BNC2: variants seen among roughly 807,000 people sequenced by gnomAD.
BNC2 encodes basonuclin zinc finger protein 2, also known as zinc finger protein basonuclin-2.
A neutral mutation model predicts 76.3 loss-of-function variants in BNC2; 20 were observed. The observed-to-expected ratio is 0.26, with a 90% CI of 0.18 to 0.38. BNC2 has a LOEUF of 0.38. Among genes scored for constraint, BNC2 ranks in the 10% least tolerant of loss-of-function variants. The pLI is 1.00. For missense variants in BNC2, 1,382 were observed against 1,399.8 expected (o/e 0.99, Z 0.20); for synonymous variants, 582 against 514.8 (o/e 1.13, Z -1.77).
intron 1 of BNC2, among the ~76,000 whole-genome samples, chr9:16,837,131 T>A (rs773091124): frequency 6.6e-6 from 1 of 152,218 alleles, no homozygotes; most frequent in South Asian, 2.1e-4. Context: ...TATCTTTTCA[T>A]GTTTTTGAAC....
At chr9:16,445,562 T>C (rs1218145756) in intron 5 of BNC2, among the ~76,000 whole-genome samples, 1 of 152,186 alleles carries the variant, frequency 6.6e-6, no homozygotes, top group South Asian at 2.1e-4. Context: ...ATTTGGAAAT[T>C]TGTATTTTGC....
At chr9:16,683,042 A>T (rs1822870944) in intron 3 of BNC2, among the ~76,000 whole-genome samples, 1 of 152,218 alleles carries the variant, frequency 6.6e-6, no homozygotes, top group Non-Finnish European at 1.5e-5. Flanking sequence ...ATAAAGTTAC[A>T]GAATCAAAAT....
chr9:16,610,558 C>T (rs535492538), intron 3 of BNC2, among the ~76,000 whole-genome samples: 3 of 152,266 alleles, frequency 2.0e-5, no homozygotes, highest in South Asian at 2.1e-4. Flanking sequence ...GTTGGCCCAA[C>T]AGAATTTAAA....
intron 1 of BNC2, among the ~76,000 whole-genome samples, chr9:16,845,133 C>A (rs74392255): frequency 0.012 from 1,775 of 152,268 alleles, 80 homozygotes; most frequent in Admixed American, 0.086. Context: ...CCAGGCACTG[C>A]CAGGATGCCC....
At chr9:16,641,990 T>G (rs1214904540) in intron 3 of BNC2, among the ~76,000 whole-genome samples, 2 of 152,154 alleles carry the variant, frequency 1.3e-5, no homozygotes, top group East Asian at 3.9e-4. Context: ...GGTTAAAGAT[T>G]TTTCCTTCGC....
intron 1 of BNC2, among the ~76,000 whole-genome samples, chr9:16,762,084 T>C (rs991806006): frequency 1.3e-5 from 2 of 152,178 alleles, no homozygotes; most frequent in Non-Finnish European, 2.9e-5. Context: ...TACTTTAGAA[T>C]AGTGATATTT....
chr9:16,700,895 A>G (rs1823490167), intron 3 of BNC2, among the ~76,000 whole-genome samples: 1 of 152,180 alleles, frequency 6.6e-6, no homozygotes. Flanking sequence ...TGAACCTGAG[A>G]TCGGGCCCCT....
intron 5 of BNC2, among the ~76,000 whole-genome samples, chr9:16,462,571 A>T (rs2131258155): frequency 6.6e-6 from 1 of 152,032 alleles, no homozygotes; most frequent in East Asian, 1.9e-4. Flanking sequence ...CCAGGAAAAA[A>T]CTCCACATAA....
Position 16,519,041 on chromosome 9 carries a change from G to C in BNC2, c.669+33489C>G, listed in dbSNP as rs946279190. Among the ~76,000 whole-genome samples, 35 of 152,224 alleles carry C rather than the reference G, an allele frequency of 2.3e-4. 1 individual carries two copies. Among genetic ancestry groups the C allele is most frequent in the Non-Finnish European group, 2.9e-5 (2 of 68,042 alleles). ...GAAGGTGTGCTTGCCAGAATTGTCA[G>C]ATTAATTTTTAGAAAGAGACAGAGG... On this transcript the variant is annotated intron_variant, in intron 5 of 6. Coordinates refer to ENST00000380672, the MANE Select transcript of BNC2 (RefSeq NM_017637.6).
chr9:16,595,636 C>T (rs1820044369), intron 3 of BNC2, among the ~76,000 whole-genome samples: 1 of 152,036 alleles, frequency 6.6e-6, no homozygotes, highest in African/African-American at 2.4e-5. Flanking sequence ...AGAGAAATTC[C>T]ACAAATTTCT....
chr9:16,519,349 T>C (rs994137652), intron 5 of BNC2, among the ~76,000 whole-genome samples: 5 of 152,190 alleles, frequency 3.3e-5, no homozygotes, highest in Non-Finnish European at 5.9e-5. Flanking sequence ...TTCTGAAAAT[T>C]CTAACGTAAA....
chr9:16,501,915 G>C (rs572144143), intron 5 of BNC2, among the ~76,000 whole-genome samples: 7 of 152,300 alleles, frequency 4.6e-5, no homozygotes, highest in Non-Finnish European at 8.8e-5. Context: ...GAGAATAAGT[G>C]ACTAAGCCTG....
intron 5 of BNC2, among the ~76,000 whole-genome samples, chr9:16,511,776 C>G (rs1822762883): frequency 6.6e-6 from 1 of 152,126 alleles, no homozygotes; most frequent in East Asian, 1.9e-4. Flanking sequence ...AGAATAAAGA[C>G]CTTTTGCCGA....
chr9:16,711,116 C>G (rs1361804104), intron 3 of BNC2, among the ~76,000 whole-genome samples: 5 of 152,156 alleles, frequency 3.3e-5, no homozygotes, highest in Non-Finnish European at 1.5e-5. Flanking sequence ...TCCCCCCAGT[C>G]TTTCTCCTAT....
At chr9:16,460,746 G>A (rs75781694) in intron 5 of BNC2, among the ~76,000 whole-genome samples, 1,709 of 152,202 alleles carry the variant, frequency 0.011, 32 homozygotes, top group African/African-American at 0.039. Flanking sequence ...CTGAGCCTCA[G>A]TTACCCAGGT....
chr9:16,675,058 C>T lies in BNC2; in HGVS notation c.330+52739G>A, dbSNP rs573235153. On this transcript the variant is annotated intron_variant, in intron 3 of 6. Coordinates refer to ENST00000380672, the MANE Select transcript of BNC2 (RefSeq NM_017637.6). The stretch of plus-strand genomic sequence containing the variant: ...ATTCCATTTCTTAGCATCAAGCTAG[C>T]ACATTTCACACACAGTGCAGGAAGA... Among the ~76,000 whole-genome samples the T allele has an allele frequency of 2.7e-4, 41 of 152,296 alleles. No individual in the cohort carries two copies. The East Asian group carries it at 7.7e-3, about 29-fold the overall frequency.
intron 1 of BNC2, among the ~76,000 whole-genome samples, chr9:16,773,607 T>A (rs900568360): frequency 3.3e-5 from 5 of 152,052 alleles, no homozygotes; most frequent in African/African-American, 1.2e-4. Context: ...CCAACTCACA[T>A]TGACAGCCGC....
chr9:16,631,758 T>C (rs1276129071), intron 3 of BNC2, among the ~76,000 whole-genome samples: 1 of 152,152 alleles, frequency 6.6e-6, no homozygotes, highest in East Asian at 1.9e-4. Context: ...ATTTATCACG[T>C]TGTGCAGAAG....
chr9:16,836,556 A>G, intron 1 of BNC2, among the ~76,000 whole-genome samples: 1 of 151,984 alleles, frequency 6.6e-6, no homozygotes. Context: ...CAGTTCAAGA[A>G]TATATTTAAT....
Sources: gnomAD v4.1 joint callset for allele counts (sites outside exome capture counted in the v4.1 genomes callset) on GRCh38, gnomAD v4.1.1 for gene constraint, MANE v1.5 for transcripts, NCBI Gene and HGNC (gene_info 2026-07-23, HGNC 2026-07-21) for gene names.